Variants in SIPA1L1 observed in about 807,000 individuals in gnomAD.
SIPA1L1 encodes the protein signal-induced proliferation-associated 1-like protein 1.
In SIPA1L1, 26 loss-of-function variants were observed where a neutral mutation model predicts 162.7. The ratio of observed to expected loss-of-function variants is 0.16; its 90% confidence interval spans 0.12 to 0.22. The LOEUF (loss-of-function observed/expected upper bound fraction) is 0.22, where lower values mean the gene tolerates loss of function less well. SIPA1L1 is among the 10% of genes least tolerant of loss of function. The pLI is 1.00. For missense variants in SIPA1L1, 1,874 were observed against 2,241.0 expected, an observed-to-expected ratio of 0.84 and a Z score of 3.31; for synonymous variants, 829 against 837.4, an observed-to-expected ratio of 0.99 and a Z score of 0.17.
intron 5 of SIPA1L1, among the ~76,000 whole-genome samples, chr14:71,615,730 G>C (rs1286657824): frequency 6.6e-6 from 1 of 152,306 alleles, no homozygotes; most frequent in South Asian, 2.1e-4. Flanking sequence ...GCTTTGGCCC[G>C]GCACAGTGGC....
In SIPA1L1 at chr14:71,377,359, A is replaced by T. The variant is rs2039490097; in HGVS notation, c.-465+56178A>T. Among the ~76,000 whole-genome samples the T allele has an allele frequency of 7.1e-6, 1 of 140,364 alleles. No individual in the cohort carries two copies. Among genetic ancestry groups the T allele is most frequent in the Non-Finnish European group, 1.5e-5 (1 of 65,058 alleles). The allele number at this position is 140,364 out of a possible 152,430, so 92.1% of individuals were successfully genotyped here. ...TCAGACGGGGCGGCCGGGCGGAGGC[A>T]CTCCTCAGTTCCCAGACGGGGTCGC... On this transcript the variant is annotated intron_variant, in intron 2 of 23. Transcript: ENST00000381232. The surrounding 1 kb of genome is among the most constrained non-coding windows in gnomAD (Gnocchi z 4.8).
chr14:71,458,716 A>G (rs1007203519), intron 2 of SIPA1L1, among the ~76,000 whole-genome samples: 2 of 152,062 alleles, frequency 1.3e-5, no homozygotes, highest in Non-Finnish European at 2.9e-5. Flanking sequence ...CCTTATTCTT[A>G]GTATTTGACA....
chr14:71,551,968 A>G (rs2055880529), intron 4 of SIPA1L1, among the ~76,000 whole-genome samples: 1 of 152,146 alleles, frequency 6.6e-6, no homozygotes, highest in African/African-American at 2.4e-5. Context: ...GCCACTCTTG[A>G]TCATATTACT....
chr14:71,461,836 C>T (rs1049281606), intron 2 of SIPA1L1, among the ~76,000 whole-genome samples: 1 of 152,152 alleles, frequency 6.6e-6, no homozygotes, highest in African/African-American at 2.4e-5. Flanking sequence ...GCCTGCATAT[C>T]GTGCAGAACC....
intron 2 of SIPA1L1, among the ~76,000 whole-genome samples, chr14:71,462,210 G>A (rs985042035): frequency 6.6e-6 from 1 of 152,190 alleles, no homozygotes; most frequent in African/African-American, 2.4e-5. Context: ...TCTCTCAAAA[G>A]GAGAGTAGTT....
At chr14:71,519,259 A>C (rs920521741) in intron 3 of SIPA1L1, among the ~76,000 whole-genome samples, 4 of 151,916 alleles carry the variant, frequency 2.6e-5, no homozygotes, top group African/African-American at 9.7e-5. Context: ...TGATTGCACC[A>C]CTGCACTTCA....
chr14:71,661,617 C>A, intron 10 of SIPA1L1, 150 bp downstream of exon 10: 1 of 810,320 alleles, frequency 1.2e-6, no homozygotes, highest in Non-Finnish European at 1.8e-6. Context: ...GCTGAATTCA[C>A]ATGATGATGT....
At chr14:71,634,277 C>T (rs2040889031) in intron 7 of SIPA1L1, among the ~76,000 whole-genome samples, 1 of 151,564 alleles carries the variant, frequency 6.6e-6, no homozygotes, top group African/African-American at 2.4e-5. Context: ...TGGCGGGCAC[C>T]TGTAATCCCA....
chr14:71,362,300 G>T (rs996673628), intron 2 of SIPA1L1, among the ~76,000 whole-genome samples: 2 of 152,358 alleles, frequency 1.3e-5, no homozygotes, highest in African/African-American at 4.8e-5. Flanking sequence ...AAAATGGGCA[G>T]TTTGATCAAG....
intron 4 of SIPA1L1, among the ~76,000 whole-genome samples, chr14:71,553,831 A>T (rs940999682): frequency 1.4e-4 from 21 of 152,046 alleles, no homozygotes; most frequent in African/African-American, 5.1e-4. Context: ...GAACTGATTG[A>T]TTCATTGAAT....
At chr14:71,391,103 CTTTT>C (rs36003254) in intron 2 of SIPA1L1, among the ~76,000 whole-genome samples, 2 of 108,456 alleles carry the variant, frequency 1.8e-5, no homozygotes, top group Admixed American at 1.2e-4. Context: ...TATTCAGTAT[CTTTT>C]TTTTTTTTTT....
At position 71,733,710 on chromosome 14, in the gene SIPA1L1, A is replaced by T; in HGVS notation, c.4906A>T (p.Thr1636Ser). 6.2e-7 allele frequency: 1 copy of T among 1,613,958 alleles called. No homozygotes were observed. The highest frequency in any genetic ancestry group is 2.2e-5 in the East Asian group (1 of 44,892). The change falls in exon 21 of 24, where the codon ACC becomes TCC. Residue 1636 changes from threonine (T) to serine (S), a missense_variant. Around this residue, in one of 5 missense-constraint regions of SIPA1L1, gnomAD observed 936 missense variants for 1,051.9 expected, o/e 0.89. Transcript: ENST00000381232. The stretch of plus-strand genomic sequence containing the variant: ...CAGCTCCCTCACTGACATCCAGGAG[A>T]CCCGCAGGCAGCCTATGCCCGACCC... ...SDSSLTDIQETRRQPMPDPGL... is the reference protein window; with the variant it reads ...SDSSLTDIQESRRQPMPDPGL...
intron 2 of SIPA1L1, among the ~76,000 whole-genome samples, chr14:71,396,043 T>G (rs922617350): frequency 6.6e-6 from 1 of 152,146 alleles, no homozygotes. Context: ...GAAGGGAACA[T>G]AGTAGCTTGG....
At chr14:71,442,872 G>A (rs771222982) in intron 2 of SIPA1L1, among the ~76,000 whole-genome samples, 11 of 152,184 alleles carry the variant, frequency 7.2e-5, no homozygotes, top group Non-Finnish European at 1.5e-4. Context: ...GGAGGTCAAG[G>A]CTGCAGTGAG....
intron 13 of SIPA1L1, among the ~76,000 whole-genome samples, chr14:71,695,491 T>A (rs1310899310): frequency 2.0e-5 from 3 of 152,230 alleles, no homozygotes; most frequent in Non-Finnish European, 2.9e-5. Context: ...AATATACGTT[T>A]GGAGAGCAGG....
At chr14:71,719,160 A>G (rs1395853302) in intron 17 of SIPA1L1, among the ~76,000 whole-genome samples, 1 of 151,942 alleles carries the variant, frequency 6.6e-6, no homozygotes, top group African/African-American at 2.4e-5. Context: ...GCTGGTCTCA[A>G]ACTCCTGAGC....
At chr14:71,682,720 C>T (rs977358447) in intron 12 of SIPA1L1, among the ~76,000 whole-genome samples, 19 of 152,202 alleles carry the variant, frequency 1.2e-4, no homozygotes, top group African/African-American at 4.3e-4. Flanking sequence ...AAAGACTATT[C>T]CAAAGAGTGT....
chr14:71,428,879 T>C (rs1192963787), intron 2 of SIPA1L1, among the ~76,000 whole-genome samples: 1 of 152,214 alleles, frequency 6.6e-6, no homozygotes, highest in East Asian at 1.9e-4. Flanking sequence ...GATGGGTAGC[T>C]GCAACTACGG....
chr14:71,341,746 CAT>C (rs1379857425), intron 2 of SIPA1L1, among the ~76,000 whole-genome samples: 2 of 152,126 alleles, frequency 1.3e-5, no homozygotes, highest in Non-Finnish European at 2.9e-5. Context: ...TAAGTGAGAA[CAT>C]GTGGTATTTG....
Sources: allele counts gnomAD v4.1 joint callset (sites outside exome capture counted in the v4.1 genomes callset), GRCh38; gene constraint gnomAD v4.1.1; regional missense constraint gnomAD v4.1.1; non-coding constraint Gnocchi (gnomAD v3.1); transcripts MANE v1.5; gene names NCBI Gene and HGNC (gene_info 2026-07-23, HGNC 2026-07-21).